ONECUT3: variants seen among roughly 807,000 people sequenced by gnomAD.
ONECUT3 encodes one cut homeobox 3.
ONECUT3 carries 11 observed loss-of-function variants against 16.8 expected under a neutral mutation model. The observed-to-expected ratio is 0.66, with a 90% CI of 0.41 to 1.09. The LOEUF (loss-of-function observed/expected upper bound fraction) is 1.09, where lower values mean the gene tolerates loss of function less well. Ranked by LOEUF, ONECUT3 falls within the 50% of genes least tolerant of loss-of-function variation. The probability of loss-of-function intolerance (pLI) is 0.00; values close to 1 mark genes in which losing one functional copy is unlikely to be tolerated. For synonymous variants in ONECUT3, 344 were observed against 310.7 expected, an observed-to-expected ratio of 1.11 and a Z score of -1.13; for missense variants, 637 against 629.9, an observed-to-expected ratio of 1.01 and a Z score of -0.12.
Position 1,753,881 on chromosome 19 carries a change from C to G in ONECUT3, c.219C>G (p.Ser73Arg). 2 of 979,100 alleles carry G rather than the reference C, an allele frequency of 2.0e-6. No homozygotes were observed. Among genetic ancestry groups the G allele is most frequent in the South Asian group, 4.5e-5 (1 of 22,040 alleles). The allele number at this position is 979,100 out of a possible 1,614,324, so 60.7% of individuals were successfully genotyped here. Residue 73 changes from serine to arginine, a missense_variant, in exon 1 of 2, where the codon AGC becomes AGG. Ser to Arg is a moderately radical substitution (Grantham distance 110). This residue lies in a region of ONECUT3 where 419 missense variants were observed against 377.9 expected (regional missense o/e 1.11). Coordinates refer to ENST00000382349, the MANE Select transcript of ONECUT3 (RefSeq NM_001080488.2). ...GGAGGAGGAG[S>R]AGGGADFRGE... ...CCGGGGGCGCGGGCGGCGCGGGCAG[C>G]GCGGGCGGCGGCGCGGACTTCCGCG...
Position 1,775,388 on chromosome 19 carries a change from G to A in ONECUT3, c.1428G>A (p.Glu476=). Residue 476 remains glutamate (E), a synonymous_variant, in exon 2 of 2, where the codon GAG becomes GAA. Transcript: ENST00000382349. ...GCTGCATGAACCGCTGGGCTGAGGA[G>A]CCCAGCACGGCCCCCGGGGGCCCCG... The part of the protein sequence containing the change: ...RRRCMNRWAE[E]PSTAPGGPAG... The A allele has an allele frequency of 8.1e-7, 1 of 1,241,752 alleles. No homozygotes were observed. Among genetic ancestry groups the A allele is most frequent in the Non-Finnish European group, 1.1e-6 (1 of 924,846 alleles). The allele number at this position is 1,241,752 out of a possible 1,614,324, so 76.9% of individuals were successfully genotyped here. A position where few individuals can be genotyped will look rare whatever the true frequency, so the allele number is the denominator to read the frequency against.
In ONECUT3 at chr19:1,764,262, C is replaced by T. The variant is rs2067965281; in HGVS notation, c.1192+9408C>T. Among the ~76,000 whole-genome samples, 1 of 152,200 alleles carries T rather than the reference C, an allele frequency of 6.6e-6. No homozygotes were observed. Among genetic ancestry groups the T allele is most frequent in the Admixed American group, 6.5e-5 (1 of 15,278 alleles). ...TCCGAGGGTGAGAGGTGCCCCCTGA[C>T]ACCCCCATGCCCCCACCCCATGGCG... On this transcript the variant is annotated intron_variant, in intron 1 of 1. Transcript: ENST00000382349. The surrounding 1 kb of genome is among the most constrained non-coding windows in gnomAD (Gnocchi z 5.0).
At chr19:1,772,805 T>G (rs1291668041) in intron 1 of ONECUT3, among the ~76,000 whole-genome samples, 1 of 145,878 alleles carries the variant, frequency 6.9e-6, no homozygotes, top group Non-Finnish European at 1.5e-5. Flanking sequence ...GCAATTCTCC[T>G]GCCTCAGCCT....
Position 1,760,831 on chromosome 19 carries a change from G to A in ONECUT3, c.1192+5977G>A, listed in dbSNP as rs117815500. Among the ~76,000 whole-genome samples, 1,119 of 152,202 alleles carry A rather than the reference G, an allele frequency of 7.4e-3. 6 individuals carry two copies. Among genetic ancestry groups the A allele is most frequent in the Non-Finnish European group, 0.012 (814 of 68,016 alleles). On this transcript the variant is annotated intron_variant, in intron 1 of 1. Coordinates refer to ENST00000382349, the MANE Select transcript of ONECUT3 (RefSeq NM_001080488.2). ...CGCCCCCAACACAGAGGAGTCTGGG[G>A]GAGTCTCTTGAGTGGTGAGGGGCTG...
rs940506141 is a variant in ONECUT3 at position 1,754,022 on chromosome 19, G to A, written c.360G>A (p.Val120=). ...PLQHLPPLAA[V]ADKFHQHAAA... ...AGCACCTGCCGCCGCTCGCGGCCGTGGCCGACAAGTTCCACCAGCACGCGG... is the reference window on the plus strand; with the variant it reads ...AGCACCTGCCGCCGCTCGCGGCCGTAGCCGACAAGTTCCACCAGCACGCGG... Residue 120 remains valine (V), a synonymous_variant, in exon 1 of 2, where the codon GTG becomes GTA. Transcript: ENST00000382349. This position sits in a 1 kb window ranked among gnomAD's most constrained non-coding sequence, Gnocchi z 7.4. 1.0e-6 allele frequency: 1 copy of A among 992,956 alleles called. No homozygotes were observed. Among genetic ancestry groups the A allele is most frequent in the Non-Finnish European group, 1.2e-6 (1 of 836,394 alleles). The allele number at this position is 992,956 out of a possible 1,614,324, so 61.5% of individuals were successfully genotyped here.
Position 1,779,436 on chromosome 19 carries a change from A to AGAGAGG in ONECUT3, c.*4003_*4008dup, listed in dbSNP as rs1240342580. 3.3e-5 allele frequency: 5 copies of AGAGAGG among 151,926 alleles called. No homozygotes were observed. In the East Asian group the frequency reaches 5.8e-4, roughly 18 times the overall value. 9.4% of individuals were successfully genotyped at this position (151,926 alleles called of 1,614,324 possible). A position where few individuals can be genotyped will look rare whatever the true frequency, so the allele number is the denominator to read the frequency against. On this transcript the variant is annotated 3_prime_UTR_variant, in exon 2 of 2. Coordinates refer to ENST00000382349, the MANE Select transcript of ONECUT3 (RefSeq NM_001080488.2). ...GAGCGCAAGAGAGAGAGAGAGGGAGAGAGAGGGAGAGGGAGAGAGAGAGGC... is the reference window on the plus strand; with the variant it reads ...GAGCGCAAGAGAGAGAGAGAGGGAGAGAGAGGGAGAGGGAGAGGGAGAGAGAGAGGC...
In ONECUT3 at chr19:1,766,362, G is replaced by C. The variant is rs1600347805; in HGVS notation, c.1193-8791G>C. ...CCCACGGGCCCGCCTTCAGGGGCGAGGCGGATGCTGCATCCTGAAGCCCTC... is the reference window on the plus strand; with the variant it reads ...CCCACGGGCCCGCCTTCAGGGGCGACGCGGATGCTGCATCCTGAAGCCCTC... On this transcript the variant is annotated intron_variant, in intron 1 of 1. Coordinates refer to ENST00000382349, the MANE Select transcript of ONECUT3 (RefSeq NM_001080488.2). This position sits in a 1 kb window ranked among gnomAD's most constrained non-coding sequence, Gnocchi z 4.0. Among the ~76,000 whole-genome samples, 2 of 152,318 alleles carry C rather than the reference G, an allele frequency of 1.3e-5. No individual in the cohort carries two copies. The highest frequency in any genetic ancestry group is 3.9e-4 in the East Asian group (2 of 5,172).
intron 1 of ONECUT3, among the ~76,000 whole-genome samples, chr19:1,763,246 C>T (rs922833452): frequency 9.2e-5 from 14 of 151,616 alleles, no homozygotes; most frequent in Admixed American, 5.3e-4. Context: ...TGCCTGCAAT[C>T]CCAGCTACTC....
rs2067968266 is a variant in ONECUT3, at chr19:1,764,612, G to T, written c.1192+9758G>T. Among the ~76,000 whole-genome samples the T allele has an allele frequency of 6.6e-6, 1 of 152,048 alleles. No homozygotes were observed. The highest frequency in any genetic ancestry group is 6.5e-5 in the Admixed American group (1 of 15,280). ...GAGGCCTCTGGGGGTCCACGCCTGG[G>T]GCATGACTCAGCCCCATCTCCTTGG... On this transcript the variant is annotated intron_variant, in intron 1 of 1. Coordinates refer to ENST00000382349, the MANE Select transcript of ONECUT3 (RefSeq NM_001080488.2). The surrounding 1 kb of genome is among the most constrained non-coding windows in gnomAD (Gnocchi z 5.0).
Position 1,778,895 on chromosome 19 carries a change from C to CAT in ONECUT3, c.*3451_*3452insTA, listed in dbSNP as rs2068133422. The CAT allele has an allele frequency of 7.1e-6, 1 of 141,784 alleles. No individual in the cohort carries two copies. The highest frequency in any genetic ancestry group is 2.6e-5 in the African/African-American group (1 of 37,924). 8.8% of individuals were successfully genotyped at this position (141,784 alleles called of 1,614,324 possible). A position where few individuals can be genotyped will look rare whatever the true frequency, so the allele number is the denominator to read the frequency against. On this transcript the variant is annotated 3_prime_UTR_variant, in exon 2 of 2. Coordinates refer to ENST00000382349, the MANE Select transcript of ONECUT3 (RefSeq NM_001080488.2). ...ACACACACACACACACACACACACA[C>CAT]ACACACACACACACACACCCCTACC...
In ONECUT3 at chr19:1,753,701, C is replaced by A. The variant is rs1210486408; in HGVS notation, c.39C>A (p.Ser13Arg). The change falls in exon 1 of 2, where the codon AGC (serine) becomes AGA (arginine). Residue 13 changes from serine to arginine, a missense_variant. This residue lies in a region of ONECUT3 where 419 missense variants were observed against 377.9 expected (regional missense o/e 1.11). Transcript: ENST00000382349. The stretch of plus-strand genomic sequence containing the variant: ...TGGAGAGCCTGGGGGGCCTGCACAG[C>A]GTGGCCCACGCGCAGGCGGGCGAGC... The part of the protein sequence containing the change: ...LSLESLGGLH[S>R]VAHAQAGELL... 53 of 1,043,494 alleles carry A rather than the reference C, an allele frequency of 5.1e-5. No individual in the cohort carries two copies. The highest frequency in any genetic ancestry group is 5.9e-5 in the Non-Finnish European group (51 of 869,396). The allele number at this position is 1,043,494 out of a possible 1,614,324, so 64.6% of individuals were successfully genotyped here.
At chr19:1,769,007 G>GTGGAAGTGGAGGTGGAGGTGA (rs2068025569) in intron 1 of ONECUT3, among the ~76,000 whole-genome samples, 3 of 84,822 alleles carry the variant, frequency 3.5e-5, no homozygotes, top group South Asian at 3.7e-4. Context: ...GATGGTGGAG[G>GTGGAAGTGGAGGTGGAGGTGA]TGGTGGAGGT....
Position 1,754,966 on chromosome 19 carries a change from C to A in ONECUT3, c.1192+112C>A. The A allele has an allele frequency of 8.0e-7, 1 of 1,247,062 alleles. No homozygotes were observed. The highest frequency in any genetic ancestry group is 1.0e-6 in the Non-Finnish European group (1 of 989,552). 77.2% of individuals were successfully genotyped at this position (1,247,062 alleles called of 1,614,324 possible). A position where few individuals can be genotyped will look rare whatever the true frequency, so the allele number is the denominator to read the frequency against. ...GCCAGCGCCCCAAGCCCCGCCCGTG[C>A]GCCCCGGCAGCCCGGGACCCCCTAT... On this transcript the variant is annotated intron_variant, in intron 1 of 1. Transcript: ENST00000382349. The surrounding 1 kb of genome is among the most constrained non-coding windows in gnomAD (Gnocchi z 7.4).
At chr19:1,760,978 C>G (rs2067943457) in intron 1 of ONECUT3, among the ~76,000 whole-genome samples, 1 of 151,912 alleles carries the variant, frequency 6.6e-6, no homozygotes, top group Non-Finnish European at 1.5e-5. Flanking sequence ...CATTACCACT[C>G]TAGTCTAAAC....
At position 1,775,558 on chromosome 19, in the gene ONECUT3, G is replaced by A. The variant is rs1447283688; in HGVS notation, c.*113G>A. On this transcript the variant is annotated 3_prime_UTR_variant, in exon 2 of 2. Coordinates refer to ENST00000382349, the MANE Select transcript of ONECUT3 (RefSeq NM_001080488.2). ...CCGCCCCCAGGGGGCACCTGGAGGGGGTGCTATCCGGGCCCCCCACACCCG... is the reference window on the plus strand; with the variant it reads ...CCGCCCCCAGGGGGCACCTGGAGGGAGTGCTATCCGGGCCCCCCACACCCG... 9.2e-7 allele frequency: 1 copy of A among 1,089,390 alleles called. No homozygotes were observed. The highest frequency in any genetic ancestry group is 3.1e-5 in the East Asian group (1 of 32,604). The allele number at this position is 1,089,390 out of a possible 1,614,324, so 67.5% of individuals were successfully genotyped here.
rs1053140857 is a variant in ONECUT3 at position 1,764,686 on chromosome 19, C to T, written c.1192+9832C>T. The stretch of plus-strand genomic sequence containing the variant: ...CATGGGAATCAATTTTCCAGCTCCC[C>T]GAGGGGTGCAGGGTGTAGACAGAGG... On this transcript the variant is annotated intron_variant, in intron 1 of 1. Coordinates refer to ENST00000382349, the MANE Select transcript of ONECUT3 (RefSeq NM_001080488.2). The surrounding 1 kb of genome is among the most constrained non-coding windows in gnomAD (Gnocchi z 5.0). Among the ~76,000 whole-genome samples, 1 of 151,966 alleles carries T rather than the reference C, an allele frequency of 6.6e-6. No homozygotes were observed. The highest frequency in any genetic ancestry group is 2.1e-4 in the South Asian group (1 of 4,822).
Position 1,775,794 on chromosome 19 carries a change from C to T in ONECUT3, c.*349C>T. 1 of 198,838 alleles carries T rather than the reference C, an allele frequency of 5.0e-6. No homozygotes were observed. The highest frequency in any genetic ancestry group is 1.0e-5 in the Non-Finnish European group (1 of 99,644). 12.3% of individuals were successfully genotyped at this position (198,838 alleles called of 1,614,324 possible). A position where few individuals can be genotyped will look rare whatever the true frequency, so the allele number is the denominator to read the frequency against. ...GGGCTCACTGTGTTGTCCCCTAAAG[C>T]GGGTCAAGAAGCACATACTAGAAAT... On this transcript the variant is annotated 3_prime_UTR_variant, in exon 2 of 2. Transcript: ENST00000382349.
At chr19:1,770,036 C>A (rs945846941) in intron 1 of ONECUT3, among the ~76,000 whole-genome samples, 1 of 152,052 alleles carries the variant, frequency 6.6e-6, no homozygotes, top group South Asian at 2.1e-4. Context: ...GCTGGGCAAG[C>A]CTGAGGGGTG....
intron 1 of ONECUT3, 136 bp from the exon 2 acceptor site, chr19:1,775,017 G>T: frequency 1.7e-6 from 1 of 585,850 alleles, no homozygotes; most frequent in Non-Finnish European, 2.9e-6. Flanking sequence ...GACCTTATGT[G>T]CATTCGCCTT....
Sources: gnomAD v4.1 joint callset for allele counts (sites outside exome capture counted in the v4.1 genomes callset) on GRCh38, gnomAD v4.1.1 for gene constraint, gnomAD v4.1.1 regional missense constraint, Gnocchi (gnomAD v3.1) non-coding constraint, MANE v1.5 for transcripts, NCBI Gene and HGNC (gene_info 2026-07-23, HGNC 2026-07-21) for gene names.